TNR: variants seen among roughly 807,000 people sequenced by gnomAD.
The protein encoded by TNR is tenascin-R.
TNR carries 45 observed loss-of-function variants against 150.4 expected under a neutral mutation model. The ratio of observed to expected loss-of-function variants is 0.30; its 90% CI spans 0.24 to 0.38. The LOEUF (loss-of-function observed/expected upper bound fraction) is 0.38, where lower values mean the gene tolerates loss of function less well. Among genes scored for constraint, TNR ranks in the 10% least tolerant of loss-of-function variants. TNR has a pLI of 1.00. For missense variants in TNR, 1,544 were observed against 1,759.1 expected, an observed-to-expected ratio of 0.88 and a Z score of 2.19; for synonymous variants, 687 against 678.4, an observed-to-expected ratio of 1.01 and a Z score of -0.20.
rs187402429 is a variant in TNR, at chr1:175,726,402, G to A, written c.-165+16824C>T. Among the ~76,000 whole-genome samples the A allele has an allele frequency of 7.9e-5, 12 of 152,348 alleles. No individual in the cohort carries two copies. The East Asian group carries it at 2.3e-3, about 29-fold the overall frequency. ...AAGTTTTAAGTTAAAAAGTGTGATT[G>A]TATAGATTTTCTGCAGTTTAGGCCT... is the stretch of plus-strand genomic sequence containing the variant. On this transcript the variant is annotated intron_variant, in intron 1 of 22. Transcript: ENST00000367674.
At chr1:175,514,429 A>G (rs1388064883) in intron 2 of TNR, among the ~76,000 whole-genome samples, 4 of 152,214 alleles carry the variant, frequency 2.6e-5, no homozygotes, top group Non-Finnish European at 5.9e-5. Context: ...TGTCTGACCT[A>G]CAGAGCAGTA....
chr1:175,683,891 G>A (rs1012325530), intron 1 of TNR, among the ~76,000 whole-genome samples: 1 of 152,246 alleles, frequency 6.6e-6, no homozygotes, highest in African/African-American at 2.4e-5. Flanking sequence ...CTCTGGTCCT[G>A]TGAGAAGGCA....
At chr1:175,405,543 C>G (rs1023432978) in intron 3 of TNR, among the ~76,000 whole-genome samples, 1 of 151,998 alleles carries the variant, frequency 6.6e-6, no homozygotes, top group Non-Finnish European at 1.5e-5. Context: ...GGAGGGTGCA[C>G]TAAGTTGTGT....
At chr1:175,729,388 T>C (rs1021823399) in intron 1 of TNR, among the ~76,000 whole-genome samples, 1 of 151,794 alleles carries the variant, frequency 6.6e-6, no homozygotes, top group Non-Finnish European at 1.5e-5. Flanking sequence ...GCAAACAGAA[T>C]GAGCATTCAA....
At chr1:175,697,707 C>A (rs1666573931) in intron 1 of TNR, among the ~76,000 whole-genome samples, 1 of 152,238 alleles carries the variant, frequency 6.6e-6, no homozygotes, top group Non-Finnish European at 1.5e-5. Context: ...TGATATTCAG[C>A]CTCAGTTCCA....
chr1:175,365,833 A>G, intron 11 of TNR, 42 bp downstream of exon 11: 2 of 1,594,468 alleles, frequency 1.3e-6, no homozygotes, highest in Non-Finnish European at 1.7e-6. Flanking sequence ...ACTGAGATCC[A>G]CTGATCCCTG....
intron 2 of TNR, among the ~76,000 whole-genome samples, chr1:175,439,510 C>A (rs1460750610): frequency 1.3e-5 from 2 of 152,004 alleles, no homozygotes; most frequent in South Asian, 2.1e-4. Context: ...GCAACAAAAG[C>A]CAAAACTGAC....
At chr1:175,602,450 GA>G (rs1426405962) in intron 1 of TNR, among the ~76,000 whole-genome samples, 3 of 152,180 alleles carry the variant, frequency 2.0e-5, no homozygotes, top group African/African-American at 7.2e-5. Context: ...ACTACACCGT[GA>G]GAACAGCTGG....
chr1:175,646,851 C>T (rs893665546), intron 1 of TNR, among the ~76,000 whole-genome samples: 3 of 152,196 alleles, frequency 2.0e-5, no homozygotes, highest in Admixed American at 6.5e-5. Context: ...CATTCTGTGG[C>T]CATTTGAGTT....
At chr1:175,713,894 T>A (rs1005333811) in intron 1 of TNR, among the ~76,000 whole-genome samples, 1 of 152,238 alleles carries the variant, frequency 6.6e-6, no homozygotes, top group African/African-American at 2.4e-5. Context: ...AAGAGTTAAA[T>A]GCACCAAAAT....
At chr1:175,701,999 T>C (rs1168044004) in intron 1 of TNR, among the ~76,000 whole-genome samples, 1 of 152,230 alleles carries the variant, frequency 6.6e-6, no homozygotes, top group African/African-American at 2.4e-5. Context: ...TGTAACACAA[T>C]AGATGCTGAA....
At chr1:175,524,189 G>T (rs888672955) in intron 2 of TNR, among the ~76,000 whole-genome samples, 1 of 152,088 alleles carries the variant, frequency 6.6e-6, no homozygotes, top group African/African-American at 2.4e-5. Context: ...TGCCTTCCTT[G>T]TAAGAGTGTG....
chr1:175,362,822 A>G lies in TNR; in HGVS notation c.2708-13T>C, dbSNP rs1398436269. ...TCTAGTCGTCCCACTGGAGAAGAGA[A>G]GAATCTACAGTTAAAATTCAGCAGC... On this transcript the variant is annotated splice_polypyrimidine_tract_variant and intron_variant, in intron 13 of 22. Coordinates refer to ENST00000367674, the MANE Select transcript of TNR (RefSeq NM_003285.3). 10 of 1,613,620 alleles carry G rather than the reference A, an allele frequency of 6.2e-6. No homozygotes were observed. The highest frequency in any genetic ancestry group is 1.6e-4 in the Middle Eastern group (1 of 6,076).
At chr1:175,594,822 A>G (rs1477333561) in intron 1 of TNR, among the ~76,000 whole-genome samples, 1 of 147,984 alleles carries the variant, frequency 6.8e-6, no homozygotes, top group Non-Finnish European at 1.5e-5. Context: ...CAACCATTGC[A>G]CTCCAGCCTG....
chr1:175,384,163 C>T (rs859435), intron 8 of TNR, among the ~76,000 whole-genome samples: 3,075 of 152,280 alleles, frequency 0.02, 112 homozygotes, highest in African/African-American at 0.071. Flanking sequence ...CACAAAGAAA[C>T]CACTTTTCAA....
intron 1 of TNR, among the ~76,000 whole-genome samples, chr1:175,739,394 G>A (rs934179445): frequency 1.3e-5 from 2 of 152,120 alleles, no homozygotes; most frequent in Non-Finnish European, 2.9e-5. Flanking sequence ...TTATCCAGTG[G>A]CCCTTAAATG....
chr1:175,550,257 G>A (rs917191367), intron 1 of TNR, among the ~76,000 whole-genome samples: 1 of 152,184 alleles, frequency 6.6e-6, no homozygotes, highest in Non-Finnish European at 1.5e-5. Flanking sequence ...CGGAAGACTA[G>A]GCAGGAGGCT....
intron 9 of TNR, among the ~76,000 whole-genome samples, chr1:175,369,148 T>C (rs948286347): frequency 1.3e-5 from 2 of 152,144 alleles, no homozygotes; most frequent in Non-Finnish European, 2.9e-5. Flanking sequence ...ATGGATTGTG[T>C]TTTAGAGTCT....
intron 1 of TNR, among the ~76,000 whole-genome samples, chr1:175,682,172 T>A (rs1387055020): frequency 1.3e-5 from 2 of 152,208 alleles, no homozygotes; most frequent in African/African-American, 4.8e-5. Flanking sequence ...GAGCCTGAAG[T>A]AACAAACATA....
Sources: allele counts gnomAD v4.1 joint callset (sites outside exome capture counted in the v4.1 genomes callset), GRCh38; gene constraint gnomAD v4.1.1; transcripts MANE v1.5; gene names NCBI Gene and HGNC (gene_info 2026-07-23, HGNC 2026-07-21).